AATK: variants seen among roughly 807,000 people sequenced by gnomAD.
The protein encoded by AATK is lemur tail kinase 1.
Under a neutral mutation model 114.3 loss-of-function variants are expected in AATK, and 91 were observed. That is an observed-to-expected ratio of 0.80 (90% confidence interval 0.67 to 0.95). AATK has a LOEUF of 0.95. AATK is among the 40% of genes least tolerant of loss of function. AATK has a pLI of 0.00. For synonymous variants in AATK, 1,075 were observed against 916.5 expected, an observed-to-expected ratio of 1.17 and a Z score of -3.12; for missense variants, 2,176 against 1,965.2, an observed-to-expected ratio of 1.11 and a Z score of -2.03.
chr17:81,127,945 G>A (rs757154862), intron 4 of AATK, 35 bp from the exon 5 acceptor site: 8 of 1,545,736 alleles, frequency 5.2e-6, no homozygotes, highest in African/African-American at 1.4e-5. Flanking sequence ...CGGCTGCTCC[G>A]CCTCCACCGG....
rs1366851638 is a variant in AATK, at chr17:81,126,434, C to T, written c.748G>A (p.Val250Met). The T allele has an allele frequency of 1.3e-6, 2 of 1,562,756 alleles. No individual in the cohort carries two copies. The highest frequency in any genetic ancestry group is 2.4e-5 in the East Asian group (1 of 41,794). The change falls in exon 7 of 14, where the codon GTG becomes ATG. Residue 250 changes from valine (V) to methionine (M), a missense_variant. This residue lies in a region of AATK where 273 missense variants were observed against 344.1 expected (regional missense o/e 0.79). Transcript: ENST00000326724. This position sits in a 1 kb window ranked among gnomAD's most constrained non-coding sequence, Gnocchi z 5.1. ...GCCCGCGCCCGCCCTCACCTGTGCACGAAATTGTTGCGATGAAGGTGCAGG... is the reference window on the plus strand; with the variant it reads ...GCCCGCGCCCGCCCTCACCTGTGCATGAAATTGTTGCGATGAAGGTGCAGG... The part of the protein sequence containing the change: ...GVLHLHRNNF[V>M]HSDLALRNCL...
chr17:81,144,555 A>C (rs1428605629), intron 1 of AATK, among the ~76,000 whole-genome samples: 1 of 152,262 alleles, frequency 6.6e-6, no homozygotes, highest in African/African-American at 2.4e-5. Flanking sequence ...AGGAGCCCAC[A>C]GGGCTCCCTT....
intron 1 of AATK, among the ~76,000 whole-genome samples, chr17:81,135,221 T>C (rs1035662684): frequency 8.5e-5 from 13 of 152,190 alleles, no homozygotes; most frequent in African/African-American, 2.9e-4. Flanking sequence ...CTTCGGAGTA[T>C]TGAGCTGAGC....
chr17:81,129,640 C>T (rs1232443308), intron 3 of AATK, among the ~76,000 whole-genome samples: 6 of 152,196 alleles, frequency 3.9e-5, no homozygotes, highest in African/African-American at 4.8e-5. Context: ...TGCCTTCTTT[C>T]GGGCTCCTGT....
At chr17:81,156,806 C>G (rs2061372529) in intron 1 of AATK, among the ~76,000 whole-genome samples, 2 of 152,178 alleles carry the variant, frequency 1.3e-5, no homozygotes, top group Admixed American at 6.5e-5. Flanking sequence ...GGGATTGTGT[C>G]TTTTGGGATT....
intron 2 of AATK, among the ~76,000 whole-genome samples, chr17:81,132,246 C>G (rs1568231478): frequency 6.6e-6 from 1 of 152,202 alleles, no homozygotes; most frequent in African/African-American, 2.4e-5. Flanking sequence ...AGCTGAGGCT[C>G]AGAGGAGTCA....
At chr17:81,128,917 G>A in intron 3 of AATK, 10 of 1,125,840 alleles carry the variant, frequency 8.9e-6, no homozygotes, top group Non-Finnish European at 9.9e-6. Context: ...ACGGCACAGA[G>A]AGGGCACTGG....
intron 1 of AATK, among the ~76,000 whole-genome samples, chr17:81,143,671 T>A (rs991297493): frequency 1.3e-5 from 2 of 152,122 alleles, no homozygotes; most frequent in African/African-American, 4.8e-5. Context: ...CAGTTAGCAA[T>A]CCCCACCCCT....
At chr17:81,118,581 TGA>T in intron 13 of AATK, 139 bp from the exon 14 acceptor site, 1 of 851,696 alleles carries the variant, frequency 1.2e-6, no homozygotes, top group Non-Finnish European at 1.9e-6. Context: ...TGTGTCTAGG[TGA>T]GAGATGGACC....
Position 81,120,062 on chromosome 17 carries a change from C to T in AATK, c.3757G>A (p.Gly1253Arg), listed in dbSNP as rs1011949179. ...TCCTTGGCGCCCGGGAAGGGCTCCC[C>T]GAGCTCCCGGGTGGGGCTTTCCTGG... The part of the protein sequence containing the change: ...FDQESPTREL[G>R]EPFPGAKESP... The change falls in exon 12 of 14, where the codon GGG becomes AGG. Residue 1253 changes from glycine to arginine, a missense_variant. By Grantham distance (125) the Gly-to-Arg change is moderately radical (BLOSUM62 -2). Around this residue, in one of 4 missense-constraint regions of AATK, gnomAD observed 1,701 missense variants for 1,394.7 expected, o/e 1.22. Coordinates refer to ENST00000326724, the MANE Select transcript of AATK (RefSeq NM_001080395.3). The T allele has an allele frequency of 8.2e-6, 12 of 1,458,014 alleles. No individual in the cohort carries two copies. Among genetic ancestry groups the T allele is most frequent in the East Asian group, 2.7e-5 (1 of 37,310 alleles). The allele number at this position is 1,458,014 out of a possible 1,614,324, so 90.3% of individuals were successfully genotyped here.
chr17:81,154,291 A>G (rs2061333999), intron 1 of AATK, among the ~76,000 whole-genome samples: 1 of 148,598 alleles, frequency 6.7e-6, no homozygotes, highest in Non-Finnish European at 1.5e-5. Context: ...TCATAAATCC[A>G]ATTTTCTTTT....
chr17:81,119,285 GC>G, intron 13 of AATK, 94 bp downstream of exon 13: 1 of 1,312,572 alleles, frequency 7.6e-7, no homozygotes, highest in Non-Finnish European at 1.0e-6. Flanking sequence ...GCCGGGGCTG[GC>G]CCGGCCCAGG....
chr17:81,123,221 T>C lies in AATK; in HGVS notation c.1085A>G (p.Gln362Arg). ...REQQLKLPKP[Q>R]LQLTLSDRWY... is the part of the protein sequence containing the mutation. Reference sequence around the variant, plus strand: ...GCGGTCCGACAGGGTCAGCTGCAGCTGGGGCTTGGGCAGCTTGAGCTGCTG... The same window carrying C: ...GCGGTCCGACAGGGTCAGCTGCAGCCGGGGCTTGGGCAGCTTGAGCTGCTG... Residue 362 changes from glutamine to arginine, a missense_variant, in exon 10 of 14, where the codon CAG becomes CGG. This residue lies in a region of AATK where 273 missense variants were observed against 344.1 expected (regional missense o/e 0.79). Coordinates refer to ENST00000326724, the MANE Select transcript of AATK (RefSeq NM_001080395.3). 2 of 1,425,404 alleles carry C rather than the reference T, an allele frequency of 1.4e-6. No individual in the cohort carries two copies. Among genetic ancestry groups the C allele is most frequent in the Non-Finnish European group, 1.8e-6 (2 of 1,091,048 alleles). The allele number at this position is 1,425,404 out of a possible 1,614,324, so 88.3% of individuals were successfully genotyped here.
chr17:81,126,512 C>G lies in AATK; in HGVS notation c.670G>C (p.Ala224Pro). The change falls in exon 7 of 14, where the codon GCT becomes CCT. Residue 224 changes from alanine to proline, a missense_variant. Ala to Pro is a conservative substitution (Grantham distance 27). Transcript: ENST00000326724. This position sits in a 1 kb window ranked among gnomAD's most constrained non-coding sequence, Gnocchi z 5.1. The part of the protein sequence containing the change: ...LRSCRVAESM[A>P]PDPRTLQRMA... ...CGCTGCAGGGTCCGGGGGTCGGGAG[C>G]CATGGACTCCGCCACCCGGCAGCTC... 2 of 1,549,878 alleles carry G rather than the reference C, an allele frequency of 1.3e-6. No individual in the cohort carries two copies. Among genetic ancestry groups the G allele is most frequent in the Non-Finnish European group, 1.7e-6 (2 of 1,146,314 alleles).
Position 81,120,777 on chromosome 17 carries a change from C to T in AATK, c.3159G>A (p.Gly1053=), listed in dbSNP as rs992740037. The T allele has an allele frequency of 3.2e-6, 5 of 1,569,160 alleles. No homozygotes were observed. Among genetic ancestry groups the T allele is most frequent in the Non-Finnish European group, 4.3e-6 (5 of 1,157,692 alleles). Residue 1053 remains glycine, a synonymous_variant, in exon 11 of 14, where the codon GGG becomes GGA. Coordinates refer to ENST00000326724, the MANE Select transcript of AATK (RefSeq NM_001080395.3). ...VSGEAQGSGP[G]EVLPPLLQLE... Reference sequence around the variant, plus strand: ...GCTGCAGCAGTGGGGGCAGCACCTCCCCGGGGCCAGAGCCTTGTGCCTCCC... The same window carrying T: ...GCTGCAGCAGTGGGGGCAGCACCTCTCCGGGGCCAGAGCCTTGTGCCTCCC...
At chr17:81,140,464 C>T (rs924799832) in intron 1 of AATK, among the ~76,000 whole-genome samples, 1 of 152,216 alleles carries the variant, frequency 6.6e-6, no homozygotes. Context: ...TCCCGATCCT[C>T]GAAACTTGAG....
chr17:81,145,104 G>A (rs1019022942), intron 1 of AATK, among the ~76,000 whole-genome samples: 1 of 151,918 alleles, frequency 6.6e-6, no homozygotes, highest in Non-Finnish European at 1.5e-5. Context: ...GTGGTGGCAG[G>A]TGCCTGTAAT....
At position 81,122,128 on chromosome 17, in the gene AATK, G is replaced by A. The variant is rs768353217; in HGVS notation, c.1808C>T (p.Pro603Leu). Residue 603 changes from proline to leucine, a missense_variant, in exon 11 of 14, where the codon CCG becomes CTG. Around this residue, in one of 4 missense-constraint regions of AATK, gnomAD observed 1,701 missense variants for 1,394.7 expected, o/e 1.22. Coordinates refer to ENST00000326724, the MANE Select transcript of AATK (RefSeq NM_001080395.3). ...HYPRRSLARD[P>L]LCPSRSPSPS... ...CGAGGGAGAGCGTGAGGGGCAGAGC[G>A]GGTCCCGCGCCAAGCTTCTGCGAGG... 4.5e-6 allele frequency: 7 copies of A among 1,540,574 alleles called. No individual in the cohort carries two copies. The Admixed American group carries it at 9.4e-5, about 21-fold the overall frequency.
chr17:81,120,339 A>AGCC lies in AATK; in HGVS notation c.3594_3596dup (p.Ala1199dup), dbSNP rs1200251366. The AGCC allele has an allele frequency of 6.2e-7, 1 of 1,610,312 alleles. No individual in the cohort carries two copies. The highest frequency in any genetic ancestry group is 1.3e-5 in the African/African-American group (1 of 74,916). ...GCAGGTTGCGCGCGCTCTGGCTCTCAGCCACCACCACGGGCACCGCCGGCG... is the reference window on the plus strand; with the variant it reads ...GCAGGTTGCGCGCGCTCTGGCTCTCAGCCGCCACCACCACGGGCACCGCCGGCG... On this transcript the variant is annotated inframe_insertion, in exon 11 of 14. Transcript: ENST00000326724.
Sources: gnomAD v4.1 joint callset for allele counts (sites outside exome capture counted in the v4.1 genomes callset) on GRCh38, gnomAD v4.1.1 for gene constraint, gnomAD v4.1.1 regional missense constraint, Gnocchi (gnomAD v3.1) non-coding constraint, MANE v1.5 for transcripts, NCBI Gene and HGNC (gene_info 2026-07-23, HGNC 2026-07-21) for gene names.